CFAP107: variants seen among roughly 807,000 people sequenced by gnomAD.
CFAP107 encodes the protein cilia- and flagella-associated protein 107.
the CFAP107 span, among the ~76,000 whole-genome samples, chr1:12,752,968 T>A: frequency 3.3e-5 from 5 of 152,172 alleles, no homozygotes; most frequent in Non-Finnish European, 4.4e-5. Context: ...AAACCTCTAA[T>A]GATTTTATAT....
chr1:12,752,555 T>TAAAAAAAAAAA, the CFAP107 span, among the ~76,000 whole-genome samples: 1 of 46,666 alleles, frequency 2.1e-5, no homozygotes. Context: ...CGACTCTGTC[T>TAAAAAAAAAAA]AAAAAAAAAA....
chr1:12,759,297 T>A, the CFAP107 span: 2 of 1,612,764 alleles, frequency 1.2e-6, no homozygotes, highest in East Asian at 2.2e-5. Flanking sequence ...GCCCACTGTG[T>A]CTGTCCTTCC....
chr1:12,757,639 G>A, the CFAP107 span, among the ~76,000 whole-genome samples: 1 of 152,012 alleles, frequency 6.6e-6, no homozygotes, highest in South Asian at 2.1e-4. Context: ...GCCCACCTTG[G>A]CCTCTCAAAC....
chr1:12,761,138 T>G, the CFAP107 span: 1 of 561,134 alleles, frequency 1.8e-6, no homozygotes, highest in Non-Finnish European at 3.1e-6. Context: ...TTCCTTTCTT[T>G]TCCATCCAAC....
chr1:12,760,689 C>T, the CFAP107 span: 20 of 1,417,732 alleles, frequency 1.4e-5, no homozygotes, highest in Non-Finnish European at 1.7e-5. Flanking sequence ...GCCCCTGCTG[C>T]CCAGTCTCGT....
At chr1:12,755,713 C>CT in the CFAP107 span, 10 of 1,611,936 alleles carry the variant, frequency 6.2e-6, no homozygotes, top group Non-Finnish European at 8.5e-6. Flanking sequence ...ACCAGAGACA[C>CT]TGACAAGACA....
At chr1:12,760,523 C>T in the CFAP107 span, among the ~76,000 whole-genome samples, 1 of 152,162 alleles carries the variant, frequency 6.6e-6, no homozygotes, top group African/African-American at 2.4e-5. Context: ...TTTCCAAGGC[C>T]CCCGTGGCAG....
chr1:12,756,660 C>T, the CFAP107 span, among the ~76,000 whole-genome samples: 1 of 152,194 alleles, frequency 6.6e-6, no homozygotes, highest in African/African-American at 2.4e-5. Context: ...CCCCACCTGA[C>T]CCTACTATAC....
chr1:12,761,083 A>T, the CFAP107 span: 1 of 847,674 alleles, frequency 1.2e-6, no homozygotes, highest in South Asian at 2.0e-5. Context: ...TCTCAGAATC[A>T]TCATCTGCAT....
chr1:12,756,533 G>T, the CFAP107 span, among the ~76,000 whole-genome samples: 2 of 152,178 alleles, frequency 1.3e-5, no homozygotes, highest in Admixed American at 1.3e-4. Flanking sequence ...GCTTGTAGGT[G>T]CTCACCCACT....
the CFAP107 span, chr1:12,762,553 G>A: frequency 6.6e-6 from 1 of 152,590 alleles, no homozygotes; most frequent in Admixed American, 6.5e-5. Flanking sequence ...TGAATGACAG[G>A]AGGAGGAGCC....
chr1:12,759,327 C>T, the CFAP107 span: 2 of 1,614,052 alleles, frequency 1.2e-6, no homozygotes, highest in African/African-American at 1.3e-5. Flanking sequence ...CTTACAAACA[C>T]CTGATCACCC....
chr1:12,759,149 G>C, the CFAP107 span, among the ~76,000 whole-genome samples: 1 of 152,122 alleles, frequency 6.6e-6, no homozygotes, highest in South Asian at 2.1e-4. Context: ...CCTCAGAGTG[G>C]GATAAACAAG....
At chr1:12,749,652 G>GA in the CFAP107 span, among the ~76,000 whole-genome samples, 24,221 of 151,898 alleles carry the variant, frequency 0.16, 3,146 homozygotes, top group African/African-American at 0.36. Context: ...GATTATTAGG[G>GA]ATTTTCTCAG....
the CFAP107 span, among the ~76,000 whole-genome samples, chr1:12,748,076 C>G: frequency 6.6e-6 from 1 of 152,196 alleles, no homozygotes; most frequent in Non-Finnish European, 1.5e-5. Flanking sequence ...TCCTCTCCTA[C>G]TACCACCCCA....
the CFAP107 span, among the ~76,000 whole-genome samples, chr1:12,757,279 C>T: frequency 5.9e-5 from 9 of 152,132 alleles, no homozygotes; most frequent in South Asian, 2.1e-4. Flanking sequence ...ACCACCCCCC[C>T]GCATTGTCAT....
chr1:12,756,846 C>G, the CFAP107 span, among the ~76,000 whole-genome samples: 1 of 152,208 alleles, frequency 6.6e-6, no homozygotes, highest in African/African-American at 2.4e-5. Context: ...AAGCAAGTTG[C>G]TGCTCTGCAA....
chr1:12,746,265 C>T, the CFAP107 span: 10 of 519,038 alleles, frequency 1.9e-5, no homozygotes, highest in African/African-American at 5.8e-5. Flanking sequence ...CTCTTGGGGC[C>T]GTTTTATTCT....
the CFAP107 span, chr1:12,762,119 C>T: frequency 2.4e-4 from 36 of 152,390 alleles, no homozygotes; most frequent in African/African-American, 7.7e-4. Flanking sequence ...GCCTGAGTCT[C>T]TGCCATTGTT....
Sources: gnomAD v4.1 joint callset for allele counts (sites outside exome capture counted in the v4.1 genomes callset) on GRCh38, gnomAD v4.1.1 for gene constraint, MANE v1.5 for transcripts, NCBI Gene and HGNC (gene_info 2026-07-23, HGNC 2026-07-21) for gene names.